The following ZNF638 variants were observed in gnomAD, a reference collection of about 807,000 sequenced individuals.
The protein encoded by ZNF638 is CTCL tumor antigen se33-1.
A neutral mutation model predicts 195.6 loss-of-function variants in ZNF638; 46 were observed. That is an observed-to-expected ratio of 0.24 (90% confidence interval 0.19 to 0.30). The LOEUF is 0.30. ZNF638 is among the 10% of genes least tolerant of loss of function. The probability of loss-of-function intolerance (pLI) is 1.00; values close to 1 mark genes in which losing one functional copy is unlikely to be tolerated. For synonymous variants in ZNF638, 845 were observed against 772.0 expected (o/e 1.09, Z -1.57); for missense variants, 2,440 against 2,325.3 (o/e 1.05, Z -1.01).
chr2:71,426,466 T>C lies in ZNF638; in HGVS notation c.4597T>C (p.Leu1533=), dbSNP rs1473423603. 1 of 1,564,996 alleles carries C rather than the reference T, an allele frequency of 6.4e-7. No homozygotes were observed. Among genetic ancestry groups the C allele is most frequent in the Non-Finnish European group, 8.6e-7 (1 of 1,161,448 alleles). Residue 1533 remains leucine (L), a synonymous_variant, in exon 24 of 28, where the codon TTA becomes CTA. Coordinates refer to ENST00000264447, the MANE Select transcript of ZNF638 (RefSeq NM_014497.5). ...GRSSKSKEEP[L]FPFNLDEFVT... is the part of the protein sequence containing the mutation. ...ATTTTTAACTTTCCAACAGGAGCCA[T>C]TATTTCCATTTAATTTGGATGAATT... is the stretch of plus-strand genomic sequence containing the variant.
intron 10 of ZNF638, among the ~76,000 whole-genome samples, chr2:71,387,756 G>T (rs2079673979): frequency 6.6e-6 from 1 of 152,156 alleles, no homozygotes; most frequent in African/African-American, 2.4e-5. Flanking sequence ...TTTAAGTGTG[G>T]AGAATATTTT....
chr2:71,427,194 T>G lies in ZNF638; in HGVS notation c.5325T>G (p.Val1775=), dbSNP rs1208706621. The G allele has an allele frequency of 6.2e-7, 1 of 1,611,980 alleles. No individual in the cohort carries two copies. Among genetic ancestry groups the G allele is most frequent in the Admixed American group, 1.7e-5 (1 of 59,450 alleles). ...FNNLKEELNF[V]TVDEVGEEED... ...ACCTTAAAGAAGAGCTTAATTTTGT[T>G]ACTGTTGATGAAGTTGGAGAGGAGG... The change falls in exon 24 of 28, where the codon GTT becomes GTG. Residue 1775 remains valine (V), a synonymous_variant. Coordinates refer to ENST00000264447, the MANE Select transcript of ZNF638 (RefSeq NM_014497.5).
intron 1 of ZNF638, among the ~76,000 whole-genome samples, chr2:71,340,655 C>G (rs1351266481): frequency 2.6e-5 from 4 of 151,804 alleles, no homozygotes; most frequent in Non-Finnish European, 4.4e-5. Context: ...ACTTTTTTTT[C>G]TTTCCTGCAT....
At chr2:71,345,910 C>G (rs1558830552) in intron 1 of ZNF638, among the ~76,000 whole-genome samples, 1 of 152,156 alleles carries the variant, frequency 6.6e-6, no homozygotes, top group African/African-American at 2.4e-5. Flanking sequence ...TGTAGAAGAC[C>G]ACTCTTAGAG....
At chr2:71,393,508 C>A (rs2079830162) in intron 10 of ZNF638, 1 of 717,938 alleles carries the variant, frequency 1.4e-6, no homozygotes, top group Non-Finnish European at 2.6e-6. Flanking sequence ...CCAGACAACA[C>A]AGCTTCCTCA....
At chr2:71,395,413 T>C (rs1430687454) in intron 10 of ZNF638, 1 of 655,762 alleles carries the variant, frequency 1.5e-6, no homozygotes, top group African/African-American at 1.8e-5. Flanking sequence ...CAAACCTTCT[T>C]GGAAGTCCAG....
At chr2:71,332,402 T>A (rs974192977) in intron 1 of ZNF638, among the ~76,000 whole-genome samples, 2 of 151,942 alleles carry the variant, frequency 1.3e-5, no homozygotes, top group East Asian at 3.9e-4. Flanking sequence ...AGCGTGTTTG[T>A]GTTTGGGGTT....
At chr2:71,393,769 AC>A in intron 10 of ZNF638, 2 of 624,524 alleles carry the variant, frequency 3.2e-6, no homozygotes, top group Non-Finnish European at 5.8e-6. Flanking sequence ...CTGGGCAGGC[AC>A]CCCCTTCCCA....
intron 20 of ZNF638, among the ~76,000 whole-genome samples, chr2:71,411,316 T>G (rs959753212): frequency 9.2e-5 from 14 of 151,658 alleles, no homozygotes; most frequent in African/African-American, 3.4e-4. Flanking sequence ...GTTTTTCTAT[T>G]ATTATTTTTT....
intron 3 of ZNF638, among the ~76,000 whole-genome samples, chr2:71,359,655 A>G (rs925467916): frequency 6.6e-6 from 1 of 152,248 alleles, no homozygotes; most frequent in Non-Finnish European, 1.5e-5. Context: ...TTCAGGTTGT[A>G]TGCACTTGAA....
intron 22 of ZNF638, 106 bp from the exon 23 acceptor site, chr2:71,424,544 T>A: frequency 1.2e-6 from 1 of 846,424 alleles, no homozygotes; most frequent in East Asian, 2.5e-5. Flanking sequence ...ATTGACTGTA[T>A]TTGGGTAATG....
At chr2:71,336,372 CAAAAAAAAAAAAAA>C (rs66593443) in intron 1 of ZNF638, among the ~76,000 whole-genome samples, 11 of 105,536 alleles carry the variant, frequency 1.0e-4, no homozygotes, top group East Asian at 4.1e-4. Context: ...ATTCCATCTC[CAAAAAAAAAAAAAA>C]AAAAAAAAAA....
intron 3 of ZNF638, among the ~76,000 whole-genome samples, chr2:71,356,391 G>A (rs967695133): frequency 4.6e-5 from 7 of 152,146 alleles, no homozygotes; most frequent in Non-Finnish European, 7.3e-5. Context: ...ATTAAACTCT[G>A]TCTTCCCTAG....
intron 1 of ZNF638, chr2:71,341,789 G>A (rs1340094548): frequency 6.6e-6 from 1 of 152,104 alleles, no homozygotes; most frequent in Non-Finnish European, 1.5e-5. Flanking sequence ...TGGGGTTAAA[G>A]GAGAAAGGTT....
In ZNF638 at chr2:71,349,729, T is replaced by C. The variant is rs765285220; in HGVS notation, c.775T>C (p.Cys259Arg). 60 of 1,614,084 alleles carry C rather than the reference T, an allele frequency of 3.7e-5. 1 individual carries two copies. The highest frequency in any genetic ancestry group is 3.3e-4 in the South Asian group (30 of 91,086). The change falls in exon 2 of 28, where the codon TGT (cysteine) becomes CGT (arginine). Residue 259 changes from cysteine (C) to arginine (R), a missense_variant. Coordinates refer to ENST00000264447, the MANE Select transcript of ZNF638 (RefSeq NM_014497.5). ...SASVPNPNVI[C>R]NSMFPVEDVF... ...ATCTGTTCCCAATCCAAATGTGATATGTAATTCTATGTTTCCTGTTGAAGA... is the reference window on the plus strand; with the variant it reads ...ATCTGTTCCCAATCCAAATGTGATACGTAATTCTATGTTTCCTGTTGAAGA...
chr2:71,399,682 C>G (rs746665123), intron 13 of ZNF638, 37 bp downstream of exon 13: 25 of 1,542,328 alleles, frequency 1.6e-5, no homozygotes, highest in Admixed American at 7.8e-5. Flanking sequence ...GCTTTGTTTT[C>G]TTTTCTTTTT....
At chr2:71,434,719 A>G (rs754310316) in intron 27 of ZNF638, 23 bp from the exon 28 acceptor site, 3 of 1,587,546 alleles carry the variant, frequency 1.9e-6, no homozygotes, top group South Asian at 2.2e-5. Context: ...TAAGTATTTT[A>G]TATTGCAAAT....
chr2:71,371,545 C>T (rs973429891), intron 8 of ZNF638, among the ~76,000 whole-genome samples: 4 of 152,072 alleles, frequency 2.6e-5, no homozygotes, highest in South Asian at 2.1e-4. Flanking sequence ...CCATTTTAAC[C>T]GGGGTAAGAT....
Position 71,349,650 on chromosome 2 carries a change from A to C in ZNF638, c.696A>C (p.Glu232Asp). Residue 232 changes from glutamate (E) to aspartate (D), a missense_variant, in exon 2 of 28, where the codon GAA becomes GAC. Coordinates refer to ENST00000264447, the MANE Select transcript of ZNF638 (RefSeq NM_014497.5). ...DPLEVRIYDP[E>D]IPTDEVENEF... The stretch of plus-strand genomic sequence containing the variant: ...TTGAAGTACGTATTTATGATCCTGA[A>C]ATTCCAACTGATGAGGTCGAGAATG... 6.2e-7 allele frequency: 1 copy of C among 1,614,204 alleles called. No homozygotes were observed. Among genetic ancestry groups the C allele is most frequent in the South Asian group, 1.1e-5 (1 of 91,084 alleles).
Sources: gnomAD v4.1 joint callset for allele counts (sites outside exome capture counted in the v4.1 genomes callset) on GRCh38, gnomAD v4.1.1 for gene constraint, MANE v1.5 for transcripts, NCBI Gene and HGNC (gene_info 2026-07-23, HGNC 2026-07-21) for gene names.